The following RBFOX1 variants were observed in gnomAD, a reference collection of about 807,000 sequenced individuals.
The protein encoded by RBFOX1 is RNA binding protein fox-1 homolog 1.
Under a neutral mutation model 57.7 loss-of-function variants are expected in RBFOX1, and 8 were observed. The observed-to-expected ratio is 0.14, with a 90% CI of 0.08 to 0.25. The LOEUF is 0.25. Ranked by LOEUF, RBFOX1 falls within the 10% of genes least tolerant of loss-of-function variation. The probability of loss-of-function intolerance (pLI) is 1.00; values close to 1 mark genes in which losing one functional copy is unlikely to be tolerated. For synonymous variants in RBFOX1, 326 were observed against 222.4 expected (o/e 1.47, Z -4.15); for missense variants, 611 against 548.5 (o/e 1.11, Z -1.14).
At chr16:6,534,924 C>T (rs1052785453) in intron 2 of RBFOX1, among the ~76,000 whole-genome samples, 18 of 152,098 alleles carry the variant, frequency 1.2e-4, no homozygotes, top group African/African-American at 2.4e-4. Context: ...GTCATATGTG[C>T]GCATTCAACA....
chr16:6,869,486 A>T (rs990790583), intron 3 of RBFOX1, among the ~76,000 whole-genome samples: 4 of 149,668 alleles, frequency 2.7e-5, no homozygotes, highest in Non-Finnish European at 5.9e-5. Context: ...TTTTTTTTTA[A>T]TGTAAATGCC....
At chr16:6,196,539 C>G (rs989940814) in intron 1 of RBFOX1, among the ~76,000 whole-genome samples, 6 of 152,114 alleles carry the variant, frequency 3.9e-5, no homozygotes, top group African/African-American at 1.4e-4. Flanking sequence ...GGATGCGTGG[C>G]TGCGACTTAA....
At chr16:6,391,052 C>T (rs1004278797) in intron 2 of RBFOX1, among the ~76,000 whole-genome samples, 2 of 152,158 alleles carry the variant, frequency 1.3e-5, no homozygotes, top group East Asian at 3.9e-4. Context: ...TCGCACTCCT[C>T]CAGTTGTGAC....
chr16:6,523,303 A>G (rs571971865), intron 2 of RBFOX1, among the ~76,000 whole-genome samples: 1 of 152,230 alleles, frequency 6.6e-6, no homozygotes, highest in Admixed American at 6.5e-5. Context: ...ACTGGCAATA[A>G]GTTGATAAAG....
intron 1 of RBFOX1, 91 bp from the exon 2 acceptor site, chr16:6,316,904 G>A: frequency 1.1e-6 from 1 of 935,718 alleles, no homozygotes; most frequent in Non-Finnish European, 1.6e-6. Flanking sequence ...TATTTTGAAG[G>A]TTGGTCCATA....
At chr16:7,693,240 A>G (rs1169996770) in intron 14 of RBFOX1, 4 of 1,275,942 alleles carry the variant, frequency 3.1e-6, no homozygotes, top group East Asian at 2.3e-5. Flanking sequence ...CCTCATCTGT[A>G]CACATCGAAG....
chr16:6,888,698 A>T (rs1355453640), intron 3 of RBFOX1, among the ~76,000 whole-genome samples: 1 of 152,172 alleles, frequency 6.6e-6, no homozygotes, highest in Non-Finnish European at 1.5e-5. Context: ...CCTAGTAAAA[A>T]AGCTGGGGGA....
At chr16:5,441,052 C>G (rs79363409) in intron 1 of RBFOX1, among the ~76,000 whole-genome samples, 7,436 of 152,176 alleles carry the variant, frequency 0.049, 240 homozygotes, top group African/African-American at 0.097. Flanking sequence ...AGGTCTGTCT[C>G]CAGGGTCACA....
intron 2 of RBFOX1, among the ~76,000 whole-genome samples, chr16:6,611,940 G>C (rs980409338): frequency 6.6e-6 from 1 of 152,116 alleles, no homozygotes; most frequent in Non-Finnish European, 1.5e-5. Context: ...AGCTTCTGCA[G>C]TCACCTCTTC....
At chr16:7,503,641 G>T (rs2071757042) in intron 4 of RBFOX1, among the ~76,000 whole-genome samples, 1 of 152,182 alleles carries the variant, frequency 6.6e-6, no homozygotes, top group Non-Finnish European at 1.5e-5. Context: ...AAGTGGGCTG[G>T]TGAAAGGAGA....
intron 2 of RBFOX1, among the ~76,000 whole-genome samples, chr16:6,486,994 G>C (rs2095497476): frequency 6.6e-6 from 1 of 152,040 alleles, no homozygotes; most frequent in Admixed American, 6.6e-5. Context: ...TTAAAAGTCA[G>C]CATTTAATAT....
chr16:5,966,604 C>A (rs944595156), intron 4 of RBFOX1, among the ~76,000 whole-genome samples: 1 of 152,176 alleles, frequency 6.6e-6, no homozygotes, highest in Non-Finnish European at 1.5e-5. Context: ...ACAGCACCTT[C>A]CACCACAGCC....
chr16:7,069,660 G>T (rs1012996059), intron 4 of RBFOX1, among the ~76,000 whole-genome samples: 4 of 152,238 alleles, frequency 2.6e-5, no homozygotes, highest in Admixed American at 6.5e-5. Flanking sequence ...GAGGATAAAT[G>T]GGGACTTAGT....
chr16:5,279,417 A>G (rs1197448998), intron 1 of RBFOX1, among the ~76,000 whole-genome samples: 1 of 152,042 alleles, frequency 6.6e-6, no homozygotes, highest in Non-Finnish European at 1.5e-5. Context: ...TGTTAGTGGT[A>G]TATAGAAACA....
intron 2 of RBFOX1, among the ~76,000 whole-genome samples, chr16:6,398,214 TA>T (rs1282293859): frequency 5.3e-5 from 8 of 152,146 alleles, no homozygotes; most frequent in African/African-American, 1.9e-4. Flanking sequence ...ATGGTTCAAT[TA>T]CTTCCCACCG....
chr16:5,430,225 G>A (rs1309451850), intron 1 of RBFOX1, among the ~76,000 whole-genome samples: 1 of 152,180 alleles, frequency 6.6e-6, no homozygotes, highest in Non-Finnish European at 1.5e-5. Flanking sequence ...GCTAATTACA[G>A]CTGTGGCCAT....
At chr16:6,120,358 T>G (rs1176975844) in intron 1 of RBFOX1, among the ~76,000 whole-genome samples, 2 of 152,212 alleles carry the variant, frequency 1.3e-5, no homozygotes, top group Non-Finnish European at 2.9e-5. Context: ...AGCAAGCTGT[T>G]TCCCACAGCA....
chr16:6,567,257 G>T (rs75826027), intron 2 of RBFOX1, among the ~76,000 whole-genome samples: 1 of 152,116 alleles, frequency 6.6e-6, no homozygotes, highest in Non-Finnish European at 1.5e-5. Context: ...TTCAGATACG[G>T]TATCTTATTT....
At chr16:5,958,630 A>G (rs1052582908) in intron 4 of RBFOX1, among the ~76,000 whole-genome samples, 2 of 152,254 alleles carry the variant, frequency 1.3e-5, no homozygotes, top group African/African-American at 4.8e-5. Flanking sequence ...TTACCACAGA[A>G]TTAGTGGCTT....
Sources: allele counts gnomAD v4.1 joint callset (sites outside exome capture counted in the v4.1 genomes callset), GRCh38; gene constraint gnomAD v4.1.1; transcripts MANE v1.5; gene names NCBI Gene and HGNC (gene_info 2026-07-23, HGNC 2026-07-21).